Variants in PAPPA2 observed in about 807,000 individuals in gnomAD.
PAPPA2 encodes the protein pappalysin 2.
PAPPA2 carries 86 observed loss-of-function variants against 176.4 expected under a neutral mutation model. That is an observed-to-expected ratio of 0.49 (90% CI 0.41 to 0.58). The LOEUF (loss-of-function observed/expected upper bound fraction) is 0.58. Among genes scored for constraint, PAPPA2 ranks in the 20% least tolerant of loss-of-function variants. PAPPA2 has a pLI of 0.00. For missense variants in PAPPA2, 2,073 were observed against 2,256.9 expected (o/e 0.92, Z 1.65); for synonymous variants, 809 against 852.2 (o/e 0.95, Z 0.88).
At chr1:176,620,367 G>A (rs1655516636) in intron 3 of PAPPA2, among the ~76,000 whole-genome samples, 1 of 151,998 alleles carries the variant, frequency 6.6e-6, no homozygotes, top group Non-Finnish European at 1.5e-5. Flanking sequence ...TTATATTGAT[G>A]CTATTTAGGC....
rs116611569 is a variant in PAPPA2 at position 176,741,026 on chromosome 1, C to G, written c.4151+830C>G. On this transcript the variant is annotated intron_variant, in intron 14 of 22. Transcript: ENST00000367662. ...TGCCACAAAGCTCATTCAAGGCATCCCAGATACTCAGACCTCACAGGGATG... is the reference window on the plus strand; with the variant it reads ...TGCCACAAAGCTCATTCAAGGCATCGCAGATACTCAGACCTCACAGGGATG... Among the ~76,000 whole-genome samples the G allele has an allele frequency of 3.3e-5, 5 of 152,158 alleles. No homozygotes were observed. The East Asian group carries it at 7.7e-4, about 24-fold the overall frequency.
intron 3 of PAPPA2, among the ~76,000 whole-genome samples, chr1:176,623,754 C>CCTTCCTTT (rs1553375986): frequency 4.9e-5 from 2 of 40,976 alleles, no homozygotes; most frequent in African/African-American, 2.4e-4. Context: ...CTCTTTCCTT[C>CCTTCCTTT]CTTCCTTTCT....
intron 5 of PAPPA2, 191 bp downstream of exon 5, chr1:176,690,621 T>C: frequency 7.2e-7 from 1 of 1,391,168 alleles, no homozygotes; most frequent in Non-Finnish European, 9.3e-7. Context: ...TACTGACATA[T>C]TAAGGTACTT....
chr1:176,668,263 A>G (rs1256893247), intron 3 of PAPPA2, among the ~76,000 whole-genome samples: 3 of 152,180 alleles, frequency 2.0e-5, no homozygotes, highest in East Asian at 1.9e-4. Flanking sequence ...ATAGGTGAGT[A>G]TCCTTATCTA....
chr1:176,528,807 C>A lies in PAPPA2; in HGVS notation c.-916-26600C>A, dbSNP rs113485572. ...CTTCTCCAAGCAAGGCTACTTCATG[C>A]TTCCCCCACCATGTGTGTCTACTTT... On this transcript the variant is annotated intron_variant, in intron 1 of 22. Transcript: ENST00000367662. 6.0e-3 allele frequency among the ~76,000 whole-genome samples: 914 copies of A among 152,304 alleles called. 5 individuals are homozygous for A. Among genetic ancestry groups the A allele is most frequent in the Non-Finnish European group, 0.011 (735 of 68,022 alleles).
chr1:176,781,365 CTTTTTTTTTTTTTTTTTTTT>C lies in PAPPA2; in HGVS notation c.4716-8430_4716-8411del, dbSNP rs35029858. 5.2e-4 allele frequency among the ~76,000 whole-genome samples: 24 copies of C among 46,242 alleles called. 1 individual carries two copies. The East Asian group carries it at 0.012, about 23-fold the overall frequency. The allele number at this position is 46,242 out of a possible 152,430, so 30.3% of individuals were successfully genotyped here. A position where few individuals can be genotyped will look rare whatever the true frequency, so the allele number is the denominator to read the frequency against. On this transcript the variant is annotated intron_variant, in intron 17 of 22. Transcript: ENST00000367662. ...CATGTGAGAAGAGCTTTGTAAGGGG[CTTTTTTTTTTTTTTTTTTTT>C]TTTTTTTTTTTTTGTCAGGGAAGAA...
chr1:176,627,115 A>G (rs755930525), intron 3 of PAPPA2, among the ~76,000 whole-genome samples: 2 of 152,098 alleles, frequency 1.3e-5, no homozygotes, highest in African/African-American at 4.8e-5. Context: ...TACTGGTACT[A>G]AAAGAAAGAC....
intron 3 of PAPPA2, among the ~76,000 whole-genome samples, chr1:176,665,588 A>T (rs12118102): frequency 6.6e-6 from 1 of 152,028 alleles, no homozygotes; most frequent in African/African-American, 2.4e-5. Context: ...GGATTTACAA[A>T]TTTTTTTTAT....
At chr1:176,473,300 G>T (rs1043667272) in intron 1 of PAPPA2, among the ~76,000 whole-genome samples, 1 of 151,974 alleles carries the variant, frequency 6.6e-6, no homozygotes, top group Admixed American at 6.6e-5. Flanking sequence ...CAGCCTTTTC[G>T]GATTGGCTTC....
At chr1:176,780,751 A>G (rs1664673113) in intron 17 of PAPPA2, among the ~76,000 whole-genome samples, 1 of 152,166 alleles carries the variant, frequency 6.6e-6, no homozygotes, top group Non-Finnish European at 1.5e-5. Context: ...TGCTCAATAA[A>G]TATTTGTTGA....
chr1:176,659,252 GAGCTAGAAGTCCAAGATC>G (rs1378551608), intron 3 of PAPPA2, among the ~76,000 whole-genome samples: 1 of 151,998 alleles, frequency 6.6e-6, no homozygotes, highest in Non-Finnish European at 1.5e-5. Context: ...CACAGTTCTG[GAGCTAGAAGTCCAAGATC>G]AGCAGGGTTG....
intron 21 of PAPPA2, among the ~76,000 whole-genome samples, chr1:176,837,664 C>T (rs774416704): frequency 6.6e-6 from 1 of 152,146 alleles, no homozygotes; most frequent in Admixed American, 6.5e-5. Flanking sequence ...TGGGTGGTGA[C>T]GTTCACCTAT....
intron 20 of PAPPA2, among the ~76,000 whole-genome samples, chr1:176,797,351 A>C (rs1222732320): frequency 3.3e-5 from 5 of 152,234 alleles, no homozygotes; most frequent in African/African-American, 1.2e-4. Flanking sequence ...GTTTCAGAAA[A>C]TAAGAAAATC....
intron 1 of PAPPA2, among the ~76,000 whole-genome samples, chr1:176,537,925 C>T (rs1650154667): frequency 6.6e-6 from 1 of 152,002 alleles, no homozygotes; most frequent in Non-Finnish European, 1.5e-5. Context: ...TTCATGGATT[C>T]CTTCTTCTAC....
At chr1:176,593,532 G>T (rs1324424778) in intron 2 of PAPPA2, among the ~76,000 whole-genome samples, 1 of 152,208 alleles carries the variant, frequency 6.6e-6, no homozygotes, top group Admixed American at 6.5e-5. Context: ...AGGAGGAGAT[G>T]GTGGGTAAAC....
At chr1:176,612,397 AAAAAACC>A (rs1166506159) in intron 3 of PAPPA2, among the ~76,000 whole-genome samples, 1 of 152,154 alleles carries the variant, frequency 6.6e-6, no homozygotes, top group African/African-American at 2.4e-5. Flanking sequence ...CTGTCTCAAA[AAAAAACC>A]AAAAACCAAA....
At chr1:176,653,980 AT>A (rs909040904) in intron 3 of PAPPA2, among the ~76,000 whole-genome samples, 9 of 151,444 alleles carry the variant, frequency 5.9e-5, no homozygotes, top group South Asian at 4.2e-4. Flanking sequence ...TCTTCTGCCT[AT>A]TTTTTTAAAA....
intron 1 of PAPPA2, among the ~76,000 whole-genome samples, chr1:176,539,522 C>G (rs910161974): frequency 3.3e-5 from 5 of 152,180 alleles, no homozygotes; most frequent in African/African-American, 4.8e-5. Flanking sequence ...GGAAGGTCTA[C>G]CCCATTAAGT....
chr1:176,656,283 C>A (rs939949849), intron 3 of PAPPA2, among the ~76,000 whole-genome samples: 2 of 151,818 alleles, frequency 1.3e-5, no homozygotes, highest in African/African-American at 4.8e-5. Flanking sequence ...GCTGTAGAAT[C>A]CCCTTAAACT....
Sources: gnomAD v4.1 joint callset for allele counts (sites outside exome capture counted in the v4.1 genomes callset) on GRCh38, gnomAD v4.1.1 for gene constraint, MANE v1.5 for transcripts, NCBI Gene and HGNC (gene_info 2026-07-23, HGNC 2026-07-21) for gene names.